Variants in OTOA observed in about 807,000 individuals in gnomAD.
The protein encoded by OTOA is cancer/testis antigen 108.
OTOA carries 70 observed loss-of-function variants against 110.8 expected under a neutral mutation model. The ratio of observed to expected loss-of-function variants is 0.63; its 90% CI spans 0.52 to 0.77. OTOA has a LOEUF of 0.77. Among genes scored for constraint, OTOA ranks in the 30% least tolerant of loss-of-function variants. OTOA has a pLI of 0.00. For missense variants in OTOA, 917 were observed against 1,075.8 expected (o/e 0.85, Z 2.06); for synonymous variants, 373 against 431.5 (o/e 0.86, Z 1.68).
At chr16:21,710,863 C>T (rs375298263) in intron 13 of OTOA, among the ~76,000 whole-genome samples, 10 of 152,128 alleles carry the variant, frequency 6.6e-5, no homozygotes, top group Non-Finnish European at 1.3e-4. Context: ...ATTAGCTGGG[C>T]GTGGTGGTGC....
chr16:21,726,286 A>G (rs933879205), intron 18 of OTOA, among the ~76,000 whole-genome samples: 1 of 151,252 alleles, frequency 6.6e-6, no homozygotes, highest in Non-Finnish European at 1.5e-5. Flanking sequence ...GCATGATGGG[A>G]AGTTTGTTGC....
chr16:21,720,108 A>G (rs1898683401), intron 17 of OTOA, among the ~76,000 whole-genome samples: 1 of 151,994 alleles, frequency 6.6e-6, no homozygotes, highest in Non-Finnish European at 1.5e-5. Flanking sequence ...GGCACACACC[A>G]CCATGCCTGG....
chr16:21,670,062 G>C (rs1185068299), intron 1 of OTOA, among the ~76,000 whole-genome samples: 1 of 152,072 alleles, frequency 6.6e-6, no homozygotes, highest in East Asian at 1.9e-4. Context: ...GGAGGCAGAG[G>C]TTGCAGTGAG....
chr16:21,669,617 G>A (rs761710629), intron 1 of OTOA, among the ~76,000 whole-genome samples: 7 of 152,156 alleles, frequency 4.6e-5, no homozygotes, highest in Middle Eastern at 3.4e-3. Flanking sequence ...AATCCTTGGC[G>A]TTGTCTTTGA....
rs201830335 is a variant in OTOA at position 21,722,062 on chromosome 16, C to CAA, written c.1807-834_1807-833dup. Among the ~76,000 whole-genome samples, 85 of 53,888 alleles carry CAA rather than the reference C, an allele frequency of 1.6e-3. 1 individual carries two copies. The highest frequency in any genetic ancestry group is 9.6e-3 in the East Asian group (25 of 2,608). 35.4% of individuals were successfully genotyped at this position (53,888 alleles called of 152,430 possible). A position where few individuals can be genotyped will look rare whatever the true frequency, so the allele number is the denominator to read the frequency against. On this transcript the variant is annotated intron_variant, in intron 17 of 28. Transcript: ENST00000646100. ...AACCTAAAAAAATTTTTAAAAAATA[C>CAA]AAAAAAAAAACCCCAAAAAAACCCA... is the stretch of plus-strand genomic sequence containing the variant.
At chr16:21,695,617 T>G (rs958399515) in intron 9 of OTOA, among the ~76,000 whole-genome samples, 1 of 151,818 alleles carries the variant, frequency 6.6e-6, no homozygotes. Flanking sequence ...GCACTCCATA[T>G]TTTCTTGTGA....
intron 5 of OTOA, among the ~76,000 whole-genome samples, chr16:21,680,860 A>G (rs1014598745): frequency 2.6e-5 from 4 of 152,058 alleles, no homozygotes; most frequent in Non-Finnish European, 1.5e-5. Flanking sequence ...CTCCAAAAAA[A>G]AAAAAAAAAA....
rs377695776 is a variant in OTOA, at chr16:21,686,468, T to C, written c.400-945T>C. 1.5e-3 allele frequency among the ~76,000 whole-genome samples: 225 copies of C among 152,136 alleles called. 8 individuals are homozygous for C. The South Asian group carries it at 0.045, about 31-fold the overall frequency. The stretch of plus-strand genomic sequence containing the variant: ...CACACCCAGCTAATTTTAAAAAATT[T>C]ATTTTTTAGGGACGGGGTCTCCCTG... On this transcript the variant is annotated intron_variant, in intron 7 of 28. Coordinates refer to ENST00000646100, the MANE Select transcript of OTOA (RefSeq NM_144672.4).
At chr16:21,693,208 G>A (rs1897868427) in intron 9 of OTOA, among the ~76,000 whole-genome samples, 3 of 152,190 alleles carry the variant, frequency 2.0e-5, no homozygotes, top group Non-Finnish European at 4.4e-5. Context: ...AACTTGCAGT[G>A]AGCTGGGATT....
At chr16:21,693,454 A>G (rs1897873317) in intron 9 of OTOA, among the ~76,000 whole-genome samples, 1 of 152,188 alleles carries the variant, frequency 6.6e-6, no homozygotes, top group Admixed American at 6.5e-5. Flanking sequence ...AAACAAAACA[A>G]AGTCTCTGCT....
intron 12 of OTOA, among the ~76,000 whole-genome samples, chr16:21,708,274 G>C (rs1386190904): frequency 3.3e-5 from 5 of 152,144 alleles, no homozygotes; most frequent in Admixed American, 6.5e-5. Context: ...GCACAGACTA[G>C]GTCCCTTGCA....
At chr16:21,726,167 C>T (rs1898908538) in intron 18 of OTOA, among the ~76,000 whole-genome samples, 1 of 152,106 alleles carries the variant, frequency 6.6e-6, no homozygotes, top group African/African-American at 2.4e-5. Flanking sequence ...TACGAGAACC[C>T]ATTCTCTGAT....
At chr16:21,664,891 C>G (rs1481977250) in intron 1 of OTOA, among the ~76,000 whole-genome samples, 1 of 151,894 alleles carries the variant, frequency 6.6e-6, no homozygotes, top group African/African-American at 2.4e-5. Context: ...AGAATCGCAT[C>G]AATCCGGCAG....
In OTOA at chr16:21,688,216, C is replaced by T. The variant is rs558090562; in HGVS notation, c.635+568C>T. 3.6e-3 allele frequency among the ~76,000 whole-genome samples: 541 copies of T among 152,012 alleles called. 8 individuals are homozygous for T. Among genetic ancestry groups the T allele is most frequent in the African/African-American group, 0.012 (495 of 41,462 alleles). ...CAGCCTGGCCAACATAATGAAACCA[C>T]GTCTCTACTAAAAATACAAAAATTA... On this transcript the variant is annotated intron_variant, in intron 8 of 28. Transcript: ENST00000646100.
chr16:21,667,420 C>T (rs1401083804), intron 1 of OTOA, among the ~76,000 whole-genome samples: 2 of 151,892 alleles, frequency 1.3e-5, no homozygotes, highest in African/African-American at 4.8e-5. Flanking sequence ...TTTGGGAGGC[C>T]GAGGCGGGCA....
At chr16:21,664,408 TG>T (rs1966825172) in intron 1 of OTOA, among the ~76,000 whole-genome samples, 176 bp downstream of exon 1, 1 of 150,744 alleles carries the variant, frequency 6.6e-6, no homozygotes, top group South Asian at 2.1e-4. Context: ...TAAGGGCTCC[TG>T]GGATTGGAGG....
chr16:21,667,600 TAA>T (rs199562813), intron 1 of OTOA, among the ~76,000 whole-genome samples: 2 of 139,668 alleles, frequency 1.4e-5, no homozygotes, highest in Admixed American at 1.4e-4. Context: ...GACTCTGTCT[TAA>T]AAAAAAAAAA....
chr16:21,702,325 GT>G (rs1898069382), intron 11 of OTOA, among the ~76,000 whole-genome samples: 1 of 152,024 alleles, frequency 6.6e-6, no homozygotes, highest in Admixed American at 6.6e-5. Context: ...TTACCTTAAG[GT>G]TTTTCAAATG....
In OTOA at chr16:21,685,281, C is replaced by T; in HGVS notation, c.319C>T (p.Leu107=). Residue 107 remains leucine (L), a synonymous_variant, in exon 7 of 29, where the codon CTG becomes TTG. Transcript: ENST00000646100. ...EQRLHQPQKL[L]EDLRKTDAQQ... ...GCGTCTGCACCAGCCCCAGAAGCTG[C>T]TGGAGGACCTGAGGAAGACAGACGC... 6.2e-7 allele frequency: 1 copy of T among 1,613,272 alleles called. No homozygotes were observed. Among genetic ancestry groups the T allele is most frequent in the Non-Finnish European group, 8.5e-7 (1 of 1,179,470 alleles).
Sources: allele counts gnomAD v4.1 joint callset (sites outside exome capture counted in the v4.1 genomes callset), GRCh38; gene constraint gnomAD v4.1.1; transcripts MANE v1.5; gene names NCBI Gene and HGNC (gene_info 2026-07-23, HGNC 2026-07-21).